Variants in PFKM observed in about 807,000 individuals in gnomAD.
PFKM encodes the protein ATP-dependent 6-phosphofructokinase, muscle type.
Under a neutral mutation model 95.5 loss-of-function variants are expected in PFKM, and 58 were observed. The ratio of observed to expected loss-of-function variants is 0.61; its 90% confidence interval spans 0.49 to 0.76. The LOEUF (loss-of-function observed/expected upper bound fraction) is 0.76, where lower values mean the gene tolerates loss of function less well. PFKM is among the 30% of genes least tolerant of loss of function. The pLI, the probability that PFKM is intolerant of heterozygous loss-of-function variation, is 0.00. For synonymous variants in PFKM, 336 were observed against 357.2 expected (o/e 0.94, Z 0.67); for missense variants, 678 against 1,005.4 (o/e 0.67, Z 4.40).
chr12:48,115,685 A>G (rs556079015), upstream of PFKM, among the ~76,000 whole-genome samples: 1 of 152,332 alleles, frequency 6.6e-6, no homozygotes, highest in Admixed American at 6.5e-5. Context: ...CAGCCTGACC[A>G]TCTTGGGCAC....
intron 4 of PFKM, 107 bp from the exon 5 acceptor site, chr12:48,132,761 T>C: frequency 1.0e-6 from 1 of 972,044 alleles, no homozygotes; most frequent in Non-Finnish European, 1.6e-6. Context: ...TCAAGGAACT[T>C]TCTAGGGAGT....
intron 10 of PFKM, among the ~76,000 whole-genome samples, chr12:48,136,034 G>A (rs1051793020): frequency 6.6e-6 from 1 of 152,012 alleles, no homozygotes; most frequent in African/African-American, 2.4e-5. Context: ...GACTACAGGC[G>A]CCTGGACCAC....
At chr12:48,120,074 C>T (rs1948094796) in intron 1 of PFKM, 1 of 152,208 alleles carries the variant, frequency 6.6e-6, no homozygotes, top group Non-Finnish European at 1.5e-5. Flanking sequence ...AAGGGATCAG[C>T]ATACCCAGAT....
chr12:48,106,044 G>A (rs1363478679), exon 1 of PFKM: 3 of 702,058 alleles, frequency 4.3e-6, no homozygotes, highest in East Asian at 2.7e-5. Flanking sequence ...GGAACCGGCT[G>A]CCATGCGAAG....
Position 48,135,030 on chromosome 12 carries a change from A to C in PFKM, c.835A>C (p.Ile279Leu), listed in dbSNP as rs1949938690. The change falls in exon 9 of 23, where the codon ATC becomes CTC. Residue 279 changes from isoleucine to leucine, a missense_variant. Ile to Leu is a conservative substitution (Grantham distance 5). Transcript: ENST00000359794. Reference protein sequence around the residue: ...KNGKPITSEDIKNLVVKRLGY... With the variant: ...KNGKPITSEDLKNLVVKRLGY... ...TGGAAAACCAATCACCTCAGAAGACATCAAGAATGTTCGTATGAATGAAGC... is the reference window on the plus strand; with the variant it reads ...TGGAAAACCAATCACCTCAGAAGACCTCAAGAATGTTCGTATGAATGAAGC... 6.2e-7 allele frequency: 1 copy of C among 1,611,202 alleles called. No individual in the cohort carries two copies. Among genetic ancestry groups the C allele is most frequent in the Admixed American group, 1.7e-5 (1 of 60,020 alleles).
intron 3 of PFKM, among the ~76,000 whole-genome samples, chr12:48,108,738 A>G (rs1946925499): frequency 6.6e-6 from 1 of 152,222 alleles, no homozygotes; most frequent in Non-Finnish European, 1.5e-5. Flanking sequence ...TAACTTAAAT[A>G]CATCTATATT....
At chr12:48,118,040 G>A (rs1417371236), upstream of PFKM, among the ~76,000 whole-genome samples, 4 of 152,152 alleles carry the variant, frequency 2.6e-5, no homozygotes, top group East Asian at 7.7e-4. Context: ...TTTATCAGGT[G>A]GACAAAGCTT....
chr12:48,132,925 C>T lies in PFKM; in HGVS notation c.295C>T (p.Leu99Phe). The T allele has an allele frequency of 3.1e-6, 5 of 1,614,208 alleles. No homozygotes were observed. The highest frequency in any genetic ancestry group is 4.2e-6 in the Non-Finnish European group (5 of 1,180,046). The change falls in exon 5 of 23, where the codon CTC (leucine) becomes TTC (phenylalanine). Residue 99 changes from leucine (L) to phenylalanine (F), a missense_variant. Leu to Phe is a conservative substitution (Grantham distance 22, BLOSUM62 0). Coordinates refer to ENST00000359794, the MANE Select transcript of PFKM (RefSeq NM_000289.6). ...CKDFREREGR[L>F]RAAYNLVKRG... ...GGACTTTCGGGAACGAGAAGGACGA[C>T]TCCGAGCTGCCTACAACCTGGTGAA...
At chr12:48,107,693 G>A (rs1322202734) in intron 2 of PFKM, among the ~76,000 whole-genome samples, 2 of 152,140 alleles carry the variant, frequency 1.3e-5, no homozygotes, top group African/African-American at 4.8e-5. Flanking sequence ...TGAGAGTTGA[G>A]GGGGGAACAA....
chr12:48,131,500 A>T, intron 4 of PFKM, 107 bp downstream of exon 4: 1 of 843,674 alleles, frequency 1.2e-6, no homozygotes. Context: ...GTTTCATGGG[A>T]AGGAATTCAG....
chr12:48,139,933 C>T (rs1158341311), intron 13 of PFKM, 21 bp downstream of exon 13: 1 of 1,542,484 alleles, frequency 6.5e-7, no homozygotes, highest in East Asian at 2.2e-5. Context: ...GTTGACTTGC[C>T]CTCTCCCCTT....
At position 48,133,456 on chromosome 12, in the gene PFKM, A is replaced by G. The variant is rs773661624; in HGVS notation, c.569A>G (p.Asp190Gly). 18 of 1,614,188 alleles carry G rather than the reference A, an allele frequency of 1.1e-5. No homozygotes were observed. Among genetic ancestry groups the G allele is most frequent in the Admixed American group, 1.7e-5 (1 of 60,032 alleles). Residue 190 changes from aspartate (D) to glycine (G), a missense_variant, in exon 6 of 23, where the codon GAT becomes GGT. Physicochemically the swap from Asp to Gly is moderately conservative, Grantham distance 94. Coordinates refer to ENST00000359794, the MANE Select transcript of PFKM (RefSeq NM_000289.6). ...CTGCATCGGATCATGGAAATTGTAG[A>G]TGCCATCACTACCACTGCCCAGAGG... ...SALHRIMEIVDAITTTAQSHQ... is the reference protein window; with the variant it reads ...SALHRIMEIVGAITTTAQSHQ...
At chr12:48,113,694 C>T (rs1022594547) in intron 3 of PFKM, among the ~76,000 whole-genome samples, 1 of 152,234 alleles carries the variant, frequency 6.6e-6, no homozygotes, top group African/African-American at 2.4e-5. Context: ...GGGTTTCTCT[C>T]ACAGTGGAGG....
chr12:48,140,589 G>A, intron 13 of PFKM, 133 bp from the exon 14 acceptor site: 3 of 907,320 alleles, frequency 3.3e-6, no homozygotes, highest in Non-Finnish European at 5.5e-6. Flanking sequence ...AGGGGTGTGT[G>A]TTGTGTTGTC....
intron 1 of PFKM, among the ~76,000 whole-genome samples, chr12:48,120,162 A>T (rs939718273): frequency 2.0e-5 from 3 of 152,164 alleles, no homozygotes; most frequent in Admixed American, 6.5e-5. Flanking sequence ...AAAACAGCAG[A>T]AATTTGGACA....
rs148544344 is a variant in PFKM at position 48,134,804 on chromosome 12, A to G, written c.722A>G (p.Glu241Gly). Residue 241 changes from glutamate (E) to glycine (G), a missense_variant, in exon 8 of 23, where the codon GAA becomes GGA. Transcript: ENST00000359794. ...PECPPDDDWE[E>G]HLCRRLSETR... ...TGTCCACCAGATGACGACTGGGAGG[A>G]ACACCTTTGTCGCCGACTCAGCGAG... 217 of 1,613,870 alleles carry G rather than the reference A, an allele frequency of 1.3e-4. 1 individual carries two copies. Among genetic ancestry groups the G allele is most frequent in the South Asian group, 1.3e-3 (121 of 91,066 alleles).
intron 10 of PFKM, 39 bp from the exon 11 acceptor site, chr12:48,137,682 G>A (rs776724086): frequency 6.2e-7 from 1 of 1,613,778 alleles, no homozygotes; most frequent in East Asian, 2.2e-5. Context: ...AGATGGGGCA[G>A]CCTGAGCCAG....
chr12:48,135,082 A>C (rs773193401), intron 9 of PFKM, 44 bp downstream of exon 9: 7 of 1,441,570 alleles, frequency 4.9e-6, no homozygotes, highest in Middle Eastern at 1.7e-4. Flanking sequence ...TCCATAGCCC[A>C]TTCCCTTCTG....
upstream of PFKM, chr12:48,105,589 G>C (rs1946474587): frequency 2.1e-6 from 1 of 466,738 alleles, no homozygotes; most frequent in South Asian, 1.6e-5. Flanking sequence ...AATATCACTC[G>C]GGTCTCAAGG....
Sources: gnomAD v4.1 joint callset for allele counts (sites outside exome capture counted in the v4.1 genomes callset) on GRCh38, gnomAD v4.1.1 for gene constraint, MANE v1.5 for transcripts, NCBI Gene and HGNC (gene_info 2026-07-23, HGNC 2026-07-21) for gene names.